Variants in SOCS7 observed in about 807,000 individuals in gnomAD.
The protein encoded by SOCS7 is NAP-4.
A neutral mutation model predicts 58.9 loss-of-function variants in SOCS7; 18 were observed. The observed-to-expected ratio is 0.31, with a 90% CI of 0.21 to 0.45. The LOEUF is 0.45. Among genes scored for constraint, SOCS7 ranks in the 20% least tolerant of loss-of-function variants. SOCS7 has a pLI of 1.00. For synonymous variants in SOCS7, 388 were observed against 364.3 expected, an observed-to-expected ratio of 1.06 and a Z score of -0.74; for missense variants, 667 against 837.3, an observed-to-expected ratio of 0.80 and a Z score of 2.51.
intron 5 of SOCS7, 117 bp from the exon 6 acceptor site, chr17:38,367,765 C>A: frequency 1.2e-6 from 1 of 865,898 alleles, no homozygotes; most frequent in Non-Finnish European, 1.8e-6. Flanking sequence ...TGGCTTTTAC[C>A]TATTGAAATA....
At chr17:38,365,146 C>G (rs1206771722) in intron 3 of SOCS7, among the ~76,000 whole-genome samples, 162 bp from the exon 4 acceptor site, 3 of 152,210 alleles carry the variant, frequency 2.0e-5, no homozygotes, top group Non-Finnish European at 4.4e-5. Flanking sequence ...AAAAGCAAAA[C>G]AGAGTAAGAT....
At chr17:38,399,295 C>T (rs997395641) in intron 9 of SOCS7, among the ~76,000 whole-genome samples, 6 of 152,060 alleles carry the variant, frequency 3.9e-5, no homozygotes, top group African/African-American at 1.4e-4. Context: ...ATTTCAGGAC[C>T]TTGTTTTGTC....
intron 7 of SOCS7, among the ~76,000 whole-genome samples, chr17:38,382,934 G>T (rs1441000228): frequency 6.6e-6 from 1 of 151,996 alleles, no homozygotes; most frequent in Non-Finnish European, 1.5e-5. Flanking sequence ...ACAGTTTTTT[G>T]TTGTGGGGTC....
intron 7 of SOCS7, among the ~76,000 whole-genome samples, chr17:38,381,546 C>G (rs915183548): frequency 2.6e-5 from 4 of 152,120 alleles, no homozygotes; most frequent in Non-Finnish European, 4.4e-5. Flanking sequence ...GTACCGTCTC[C>G]TTTTTATTTT....
intron 1 of SOCS7, among the ~76,000 whole-genome samples, chr17:38,355,864 T>A (rs1567734597): frequency 1.3e-5 from 2 of 152,128 alleles, no homozygotes; most frequent in African/African-American, 4.8e-5. Context: ...GTGGTATGAG[T>A]TAGCTTAGAG....
At chr17:38,381,534 T>C (rs1003252766) in intron 7 of SOCS7, among the ~76,000 whole-genome samples, 3 of 152,194 alleles carry the variant, frequency 2.0e-5, no homozygotes, top group Admixed American at 6.5e-5. Context: ...TTTGAGGGGA[T>C]AGTACCGTCT....
At chr17:38,394,632 G>A (rs2038221349) in intron 7 of SOCS7, among the ~76,000 whole-genome samples, 1 of 152,166 alleles carries the variant, frequency 6.6e-6, no homozygotes. Flanking sequence ...TTCCCAGCAG[G>A]GATACTTTTG....
At chr17:38,354,757 T>A (rs945147812) in intron 1 of SOCS7, among the ~76,000 whole-genome samples, 3 of 152,306 alleles carry the variant, frequency 2.0e-5, no homozygotes, top group Admixed American at 1.3e-4. Context: ...TAGGATAGAT[T>A]GCTAATTTTC....
chr17:38,393,514 G>GTAATCCCAGCTAC (rs934811359), intron 7 of SOCS7, among the ~76,000 whole-genome samples: 2 of 152,090 alleles, frequency 1.3e-5, no homozygotes, highest in African/African-American at 4.8e-5. Context: ...GCGGGCGCCT[G>GTAATCCCAGCTAC]TAATCCCAGC....
At position 38,395,903 on chromosome 17, in the gene SOCS7, T is replaced by C. The variant is rs2144405528; in HGVS notation, c.1873T>C (p.Tyr625His). 1 of 1,612,144 alleles carries C rather than the reference T, an allele frequency of 6.2e-7. No homozygotes were observed. The highest frequency in any genetic ancestry group is 8.5e-7 in the Non-Finnish European group (1 of 1,179,542). Residue 625 changes from tyrosine to histidine, a missense_variant, in exon 9 of 10, where the codon TAC (tyrosine) becomes CAC (histidine). Tyr to His is a moderately conservative substitution (Grantham distance 83). This residue lies in a region of SOCS7 where 40 missense variants were observed against 45.6 expected (regional missense o/e 0.88). Coordinates refer to ENST00000612932, the MANE Select transcript of SOCS7 (RefSeq NM_014598.4). ...FYYYDPQEEV[Y>H]LSLKEAQLIS... ...CTACTATGATCCTCAGGAAGAGGTA[T>C]ACCTGTCTCTAAAGGAAGCGCAGCT...
chr17:38,390,077 G>A (rs114316883), intron 7 of SOCS7, among the ~76,000 whole-genome samples: 1,928 of 149,588 alleles, frequency 0.013, 37 homozygotes, highest in African/African-American at 0.046. Flanking sequence ...GTGAGCCACC[G>A]TACCCAGCCT....
chr17:38,370,413 C>T (rs1368516993), intron 6 of SOCS7, among the ~76,000 whole-genome samples: 2 of 152,100 alleles, frequency 1.3e-5, no homozygotes, highest in African/African-American at 2.4e-5. Context: ...GATCATGCCT[C>T]GTCGTAGCCT....
intron 7 of SOCS7, among the ~76,000 whole-genome samples, chr17:38,392,317 T>C (rs2038182281): frequency 6.6e-6 from 1 of 152,220 alleles, no homozygotes; most frequent in Non-Finnish European, 1.5e-5. Flanking sequence ...AATCAGATAA[T>C]TGTATGTTGC....
In SOCS7 at chr17:38,352,990, C is replaced by T; in HGVS notation, c.938C>T (p.Thr313Ile). 1 of 1,605,594 alleles carries T rather than the reference C, an allele frequency of 6.2e-7. No individual in the cohort carries two copies. Among genetic ancestry groups the T allele is most frequent in the Non-Finnish European group, 8.5e-7 (1 of 1,177,726 alleles). The change falls in exon 1 of 10, where the codon ACA (threonine) becomes ATA (isoleucine). Residue 313 changes from threonine (T) to isoleucine (I), a missense_variant. Around this residue, in one of 9 missense-constraint regions of SOCS7, gnomAD observed 208 missense variants for 190.3 expected, o/e 1.09. Coordinates refer to ENST00000612932, the MANE Select transcript of SOCS7 (RefSeq NM_014598.4). This position sits in a 1 kb window ranked among gnomAD's most constrained non-coding sequence, Gnocchi z 5.5. ...CTGGCTGCTTCAGCTGCGAGCCTGA[C>T]AGACATGGGAGGCTCTGCGGGCCGG... ...GELAASAASL[T>I]DMGGSAGREL...
chr17:38,397,934 G>C (rs1164232584), intron 9 of SOCS7, among the ~76,000 whole-genome samples: 1 of 152,066 alleles, frequency 6.6e-6, no homozygotes, highest in Non-Finnish European at 1.5e-5. Flanking sequence ...CAAATATCAA[G>C]GAGCCAGCCA....
At chr17:38,372,581 G>A (rs975476212) in intron 6 of SOCS7, among the ~76,000 whole-genome samples, 6 of 152,180 alleles carry the variant, frequency 3.9e-5, no homozygotes, top group African/African-American at 1.4e-4. Flanking sequence ...AGTAAAAATT[G>A]ATCTCTCATG....
chr17:38,376,795 A>G (rs1732825918), intron 6 of SOCS7, among the ~76,000 whole-genome samples: 1 of 152,164 alleles, frequency 6.6e-6, no homozygotes, highest in Non-Finnish European at 1.5e-5. Context: ...ACCTGCTTAT[A>G]TGTGTACACA....
intron 7 of SOCS7, among the ~76,000 whole-genome samples, chr17:38,387,121 A>G (rs1476063611): frequency 4.6e-5 from 5 of 109,480 alleles, no homozygotes; most frequent in African/African-American, 2.3e-4. Context: ...ATATATATAT[A>G]TATATATGTA....
intron 7 of SOCS7, among the ~76,000 whole-genome samples, chr17:38,387,544 GTATA>G (rs1173072758): frequency 7.5e-6 from 1 of 133,462 alleles, no homozygotes; most frequent in Non-Finnish European, 1.5e-5. Flanking sequence ...ACAATATATA[GTATA>G]TATATACACA....
Sources: allele counts gnomAD v4.1 joint callset (sites outside exome capture counted in the v4.1 genomes callset), GRCh38; gene constraint gnomAD v4.1.1; regional missense constraint gnomAD v4.1.1; non-coding constraint Gnocchi (gnomAD v3.1); transcripts MANE v1.5; gene names NCBI Gene and HGNC (gene_info 2026-07-23, HGNC 2026-07-21).